Variants in ABCA13 observed in about 807,000 individuals in gnomAD.
ABCA13 encodes the protein ATP-binding cassette sub-family A member 13.
A neutral mutation model predicts 478.7 loss-of-function variants in ABCA13; 476 were observed. The ratio of observed to expected loss-of-function variants is 0.99; its 90% CI spans 0.92 to 1.07. ABCA13 has a LOEUF of 1.07. Ranked by LOEUF, ABCA13 falls within the 50% of genes least tolerant of loss-of-function variation. The pLI is 0.00. For missense variants in ABCA13, 6,060 were observed against 5,910.6 expected, an observed-to-expected ratio of 1.03 and a Z score of -0.83; for synonymous variants, 2,252 against 2,158.9, an observed-to-expected ratio of 1.04 and a Z score of -1.20.
chr7:48,269,886 G>C (rs900227258), intron 16 of ABCA13, among the ~76,000 whole-genome samples: 1 of 152,148 alleles, frequency 6.6e-6, no homozygotes, highest in African/African-American at 2.4e-5. Flanking sequence ...CTTAAGCCCA[G>C]CTATTAGTAG....
chr7:48,520,187 C>T lies in ABCA13; in HGVS notation c.13944C>T (p.Pro4648=). The change falls in exon 53 of 62, where the codon CCC becomes CCT. Residue 4648 remains proline, a synonymous_variant. Transcript: ENST00000435803. Reference sequence around the variant, plus strand: ...TCGGCATTGATTCCTATGTGAGTCCCTTTGAGATGAACTTTCTGGGCTGGA... The same window carrying T: ...TCGGCATTGATTCCTATGTGAGTCCTTTTGAGATGAACTTTCTGGGCTGGA... The part of the protein sequence containing the change: ...HNFGIDSYVS[P]FEMNFLGWIF... The T allele has an allele frequency of 6.2e-7, 1 of 1,613,650 alleles. No homozygotes were observed. Among genetic ancestry groups the T allele is most frequent in the South Asian group, 1.1e-5 (1 of 91,066 alleles).
intron 31 of ABCA13, among the ~76,000 whole-genome samples, chr7:48,354,322 C>T (rs1412855727): frequency 6.6e-6 from 1 of 151,936 alleles, no homozygotes; most frequent in African/African-American, 2.4e-5. Context: ...TTTACTTTGT[C>T]CACTCTGACA....
At chr7:48,341,812 GATATATATATATATCTTTCTGAT>G (rs1169961559) in intron 29 of ABCA13, among the ~76,000 whole-genome samples, 11,800 of 47,954 alleles carry the variant, frequency 0.25, 1,208 homozygotes, top group East Asian at 0.31. Flanking sequence ...TTTCTTTTCT[GATATATATATATATCTTTCTGAT>G]ATATATATAT....
rs1159228893 is a variant in ABCA13 at position 48,455,024 on chromosome 7, G to T, written c.12566-13G>T. ...AGCTGACCCAGCCGCCCTTCCTCCC[G>T]CCCGTCCTGCAGGTGGCTCCCTAGC... is the stretch of plus-strand genomic sequence containing the variant. On this transcript the variant is annotated splice_polypyrimidine_tract_variant and intron_variant, in intron 42 of 61. Transcript: ENST00000435803. 3 of 1,483,976 alleles carry T rather than the reference G, an allele frequency of 2.0e-6. No homozygotes were observed. Among genetic ancestry groups the T allele is most frequent in the South Asian group, 1.3e-5 (1 of 75,178 alleles). 91.9% of individuals were successfully genotyped at this position (1,483,976 alleles called of 1,614,324 possible).
At position 48,200,434 on chromosome 7, in the gene ABCA13, T is replaced by C. The variant is rs548681943; in HGVS notation, c.287+2074T>C. The stretch of plus-strand genomic sequence containing the variant: ...TCTACCTTTGTTTTCTTTGTGTTTT[T>C]CCACATCAACATCCTCACTTCAATG... On this transcript the variant is annotated intron_variant, in intron 3 of 61. Coordinates refer to ENST00000435803, the MANE Select transcript of ABCA13 (RefSeq NM_152701.5). 1.1e-3 allele frequency among the ~76,000 whole-genome samples: 172 copies of C among 152,324 alleles called. 1 individual carries two copies. The highest frequency in any genetic ancestry group is 1.9e-3 in the Non-Finnish European group (127 of 68,020).
intron 59 of ABCA13, among the ~76,000 whole-genome samples, chr7:48,616,646 T>C (rs990828574): frequency 5.3e-5 from 8 of 152,170 alleles, no homozygotes; most frequent in Non-Finnish European, 1.0e-4. Context: ...GAATTGTTAG[T>C]GGATATGAAC....
At chr7:48,376,387 T>C in intron 34 of ABCA13, 54 bp from the exon 35 acceptor site, 1 of 1,577,116 alleles carries the variant, frequency 6.3e-7, no homozygotes, top group Non-Finnish European at 8.6e-7. Flanking sequence ...CATGACAAAA[T>C]CTACCATAAA....
At chr7:48,572,876 C>T (rs1787810221) in intron 55 of ABCA13, among the ~76,000 whole-genome samples, 1 of 152,180 alleles carries the variant, frequency 6.6e-6, no homozygotes, top group East Asian at 1.9e-4. Flanking sequence ...TTTATCAAAA[C>T]AATTTTAATT....
intron 53 of ABCA13, among the ~76,000 whole-genome samples, chr7:48,522,785 A>G (rs1285613109): frequency 2.0e-5 from 3 of 152,148 alleles, no homozygotes. Flanking sequence ...AGCTCTGGGG[A>G]TGAGACCCAG....
intron 3 of ABCA13, among the ~76,000 whole-genome samples, chr7:48,204,472 A>G (rs35586320): frequency 0.2 from 30,889 of 152,024 alleles, 3,385 homozygotes; most frequent in Middle Eastern, 0.26. Context: ...TGGCCTCCCA[A>G]AGTGCTGGGA....
At chr7:48,633,939 G>C (rs200472446) in intron 59 of ABCA13, among the ~76,000 whole-genome samples, 2 of 99,832 alleles carry the variant, frequency 2.0e-5, no homozygotes, top group Admixed American at 8.7e-5. Context: ...TACATAGATA[G>C]ATAGATAGAT....
chr7:48,364,581 A>C (rs1289078628), intron 31 of ABCA13, among the ~76,000 whole-genome samples: 1 of 152,098 alleles, frequency 6.6e-6, no homozygotes, highest in Non-Finnish European at 1.5e-5. Flanking sequence ...CCTTCCCAGC[A>C]TCTGGGTAAC....
intron 38 of ABCA13, among the ~76,000 whole-genome samples, chr7:48,393,864 C>T (rs148038130): frequency 6.6e-6 from 1 of 152,350 alleles, no homozygotes; most frequent in Non-Finnish European, 1.5e-5. Context: ...TCCATCCCTG[C>T]CATTGCAGGT....
At position 48,410,008 on chromosome 7, in the gene ABCA13, C is replaced by T. The variant is rs529123098; in HGVS notation, c.12071-512C>T. Among the ~76,000 whole-genome samples, 86 of 149,522 alleles carry T rather than the reference C, an allele frequency of 5.8e-4. 1 individual carries two copies. The highest frequency in any genetic ancestry group is 1.9e-3 in the African/African-American group (77 of 40,574). ...ACTCTGGAGGCTGAGGTGGGAGAAT[C>T]GCTTGAACCCGGGAGGTGGAGTTTG... On this transcript the variant is annotated intron_variant, in intron 39 of 61. Coordinates refer to ENST00000435803, the MANE Select transcript of ABCA13 (RefSeq NM_152701.5).
Position 48,278,436 on chromosome 7 carries a change from C to T in ABCA13, c.7242C>T (p.His2414=). The change falls in exon 18 of 62, where the codon CAC becomes CAT. Residue 2414 remains histidine (H), a synonymous_variant. Transcript: ENST00000435803. ...ATCAAGATCTTGGGTCAGCTCTTCACCTTGTAAGAGAATGTTCAACAGAGA... is the reference window on the plus strand; with the variant it reads ...ATCAAGATCTTGGGTCAGCTCTTCATCTTGTAAGAGAATGTTCAACAGAGA... ...KLNQDLGSAL[H]LVRECSTEMA... 6.2e-7 allele frequency: 1 copy of T among 1,613,954 alleles called. No homozygotes were observed. Among genetic ancestry groups the T allele is most frequent in the Admixed American group, 1.7e-5 (1 of 60,014 alleles).
At chr7:48,351,210 T>C (rs763542417) in intron 30 of ABCA13, among the ~76,000 whole-genome samples, 1 of 152,370 alleles carries the variant, frequency 6.6e-6, no homozygotes, top group East Asian at 1.9e-4. Context: ...AGTATCTTGA[T>C]ATCCTGGTTG....
chr7:48,612,819 A>G (rs936933877), intron 58 of ABCA13, among the ~76,000 whole-genome samples: 2 of 152,112 alleles, frequency 1.3e-5, no homozygotes, highest in African/African-American at 4.8e-5. Flanking sequence ...GCAATATATG[A>G]GATGACATAT....
intron 57 of ABCA13, 46 bp from the exon 58 acceptor site, chr7:48,594,664 T>C: frequency 6.5e-7 from 1 of 1,548,846 alleles, no homozygotes; most frequent in East Asian, 2.2e-5. Flanking sequence ...TATATTTCTA[T>C]TTGTGTTTTT....
chr7:48,378,191 G>T (rs1489394967), intron 35 of ABCA13, among the ~76,000 whole-genome samples: 1 of 152,132 alleles, frequency 6.6e-6, no homozygotes, highest in Non-Finnish European at 1.5e-5. Flanking sequence ...GAAGAAAAGG[G>T]AATTGGGAGT....
Sources: allele counts gnomAD v4.1 joint callset (sites outside exome capture counted in the v4.1 genomes callset), GRCh38; gene constraint gnomAD v4.1.1; transcripts MANE v1.5; gene names NCBI Gene and HGNC (gene_info 2026-07-23, HGNC 2026-07-21).